The following SH3D19 variants were observed in gnomAD, a reference collection of about 807,000 sequenced individuals.
SH3D19 encodes the protein SH3 domain-containing protein 19.
SH3D19 carries 58 observed loss-of-function variants against 112.1 expected under a neutral mutation model. The ratio of observed to expected loss-of-function variants is 0.52; its 90% CI spans 0.42 to 0.64. The LOEUF (loss-of-function observed/expected upper bound fraction) is 0.64, where lower values mean the gene tolerates loss of function less well. SH3D19 is among the 30% of genes least tolerant of loss of function. SH3D19 has a pLI of 0.00. For missense variants in SH3D19, 1,090 were observed against 1,263.4 expected (o/e 0.86, Z 2.08); for synonymous variants, 391 against 448.5 (o/e 0.87, Z 1.62).
At chr4:151,204,967 C>A (rs552484886) in intron 2 of SH3D19, among the ~76,000 whole-genome samples, 1 of 151,858 alleles carries the variant, frequency 6.6e-6, no homozygotes, top group African/African-American at 2.4e-5. Flanking sequence ...ATTACAGGTG[C>A]GCACCACCAC....
chr4:151,259,073 A>G (rs1257381591), intron 1 of SH3D19, among the ~76,000 whole-genome samples: 1 of 152,024 alleles, frequency 6.6e-6, no homozygotes, highest in Non-Finnish European at 1.5e-5. Flanking sequence ...TTCTCCCACT[A>G]GGAGGTCTAG....
chr4:151,122,513 A>T (rs1269013596), intron 19 of SH3D19, among the ~76,000 whole-genome samples: 1 of 147,450 alleles, frequency 6.8e-6, no homozygotes, highest in Admixed American at 6.7e-5. Context: ...ACCAGTTATC[A>T]CACACACACA....
intron 7 of SH3D19, among the ~76,000 whole-genome samples, chr4:151,166,635 T>C (rs1365835007): frequency 3.3e-5 from 5 of 152,206 alleles, no homozygotes; most frequent in African/African-American, 1.2e-4. Flanking sequence ...GAAATGAGTA[T>C]ATGCTGTAAT....
At chr4:151,171,272 A>C (rs2149818379) in intron 7 of SH3D19, among the ~76,000 whole-genome samples, 1 of 151,598 alleles carries the variant, frequency 6.6e-6, no homozygotes, top group East Asian at 1.9e-4. Flanking sequence ...TTCAAGGGAG[A>C]GAAAAGACTC....
intron 1 of SH3D19, chr4:151,266,083 C>T (rs1255757684): frequency 6.6e-6 from 1 of 152,148 alleles, no homozygotes; most frequent in Non-Finnish European, 1.5e-5. Context: ...AGTAAATACA[C>T]ACCTCATGTT....
chr4:151,126,424 CCTT>C (rs1456016515), intron 19 of SH3D19, among the ~76,000 whole-genome samples: 1 of 152,166 alleles, frequency 6.6e-6, no homozygotes, highest in African/African-American at 2.4e-5. Flanking sequence ...AAACCACCCT[CCTT>C]CTTCTAGCAC....
At chr4:151,306,516 ATAAG>A (rs1221250970) in intron 1 of SH3D19, among the ~76,000 whole-genome samples, 1 of 152,218 alleles carries the variant, frequency 6.6e-6, no homozygotes, top group African/African-American at 2.4e-5. Context: ...TACTACAGGA[ATAAG>A]TAAGAAAGCT....
At chr4:151,245,682 A>C (rs1386241803) in intron 1 of SH3D19, among the ~76,000 whole-genome samples, 1 of 152,046 alleles carries the variant, frequency 6.6e-6, no homozygotes, top group African/African-American at 2.4e-5. Context: ...GCTCACTGCA[A>C]CCTCCGCCTC....
Position 151,137,788 on chromosome 4 carries a change from T to C in SH3D19, c.2371A>G (p.Arg791Gly). 1 of 1,610,724 alleles carries C rather than the reference T, an allele frequency of 6.2e-7. No homozygotes were observed. The highest frequency in any genetic ancestry group is 8.5e-7 in the Non-Finnish European group (1 of 1,178,556). ...LLEKIDTDWY[R>G]GNCRNQIGIF... ...CCAATCTGGTTTCTACAGTTCCCTC[T>C]GTACCAATCTGTATCTATCTTCTCC... The change falls in exon 14 of 20, where the codon AGA (arginine) becomes GGA (glycine). Residue 791 changes from arginine to glycine, a missense_variant. Physicochemically the swap from Arg to Gly is moderately radical, Grantham distance 125. Coordinates refer to ENST00000604030, the MANE Select transcript of SH3D19 (RefSeq NM_001378122.1).
At chr4:151,177,638 T>C (rs777247423) in intron 4 of SH3D19, among the ~76,000 whole-genome samples, 5 of 152,200 alleles carry the variant, frequency 3.3e-5, no homozygotes, top group Non-Finnish European at 7.3e-5. Flanking sequence ...CGTGAGCCAC[T>C]GCACCCAGCT....
chr4:151,315,137 A>G (rs1729865649), intron 1 of SH3D19, among the ~76,000 whole-genome samples: 1 of 151,990 alleles, frequency 6.6e-6, no homozygotes, highest in Non-Finnish European at 1.5e-5. Flanking sequence ...CTATTCTGTC[A>G]CTCCCTTGCT....
chr4:151,167,840 A>C (rs1284894545), intron 7 of SH3D19, among the ~76,000 whole-genome samples: 11 of 134,126 alleles, frequency 8.2e-5, no homozygotes, highest in East Asian at 4.4e-4. Context: ...CGCCTCTGCC[A>C]GGCCGCCCCA....
intron 4 of SH3D19, among the ~76,000 whole-genome samples, chr4:151,178,720 G>A (rs562117344): frequency 1.2e-3 from 176 of 152,114 alleles, no homozygotes; most frequent in African/African-American, 4.0e-3. Context: ...ATACTATACT[G>A]TAAGCAATTT....
chr4:151,269,607 T>C (rs1773087825), intron 1 of SH3D19, among the ~76,000 whole-genome samples: 1 of 152,060 alleles, frequency 6.6e-6, no homozygotes, highest in Admixed American at 6.6e-5. Flanking sequence ...TCCATCTAAG[T>C]GTATTTTTAA....
At chr4:151,277,321 A>G (rs1479088590) in intron 1 of SH3D19, 18 of 941,040 alleles carry the variant, frequency 1.9e-5, no homozygotes, top group African/African-American at 1.8e-4. Flanking sequence ...ATGGGATGTT[A>G]GTTATGAGTA....
chr4:151,240,507 A>G (rs1017522570), intron 1 of SH3D19, among the ~76,000 whole-genome samples: 4 of 151,946 alleles, frequency 2.6e-5, no homozygotes, highest in African/African-American at 9.7e-5. Context: ...CTCACCATTG[A>G]CCAGATGTCA....
At chr4:151,172,231 A>C (rs1434867645) in intron 7 of SH3D19, among the ~76,000 whole-genome samples, 1 of 152,194 alleles carries the variant, frequency 6.6e-6, no homozygotes, top group Admixed American at 6.5e-5. Context: ...AAATACCACC[A>C]AAAAGTCACA....
At chr4:151,255,052 A>G (rs1385080425) in intron 1 of SH3D19, among the ~76,000 whole-genome samples, 4 of 138,828 alleles carry the variant, frequency 2.9e-5, no homozygotes, top group Admixed American at 7.0e-5. Context: ...CACCTCCCGG[A>G]CGGGGCGGCT....
chr4:151,265,570 T>TTTTA (rs752221090), intron 1 of SH3D19, among the ~76,000 whole-genome samples: 1 of 111,786 alleles, frequency 8.9e-6, no homozygotes, highest in Non-Finnish European at 1.6e-5. Context: ...ATTTCTTTTC[T>TTTTA]TTTTTTTTTT....
Sources: allele counts gnomAD v4.1 joint callset (sites outside exome capture counted in the v4.1 genomes callset), GRCh38; gene constraint gnomAD v4.1.1; transcripts MANE v1.5; gene names NCBI Gene and HGNC (gene_info 2026-07-23, HGNC 2026-07-21).